PVT1: variants seen among roughly 807,000 people sequenced by gnomAD.
PVT1 encodes CXCR4/PVT1 fusion.
intron 2 of PVT1, among the ~76,000 whole-genome samples, chr8:127,848,940 G>C (rs1375199730): frequency 6.6e-6 from 1 of 152,202 alleles, no homozygotes; most frequent in Admixed American, 6.5e-5. Flanking sequence ...AGGGCATGGT[G>C]TGGACCACGC....
At chr8:128,029,906 T>A (rs1813369615) in intron 4 of PVT1, among the ~76,000 whole-genome samples, 1 of 152,228 alleles carries the variant, frequency 6.6e-6, no homozygotes, top group African/African-American at 2.4e-5. Context: ...CCCAGCAGCT[T>A]GAGACCAGCC....
At chr8:128,076,549 G>GA (rs2130143558) in intron 5 of PVT1, among the ~76,000 whole-genome samples, 1 of 152,216 alleles carries the variant, frequency 6.6e-6, no homozygotes, top group Non-Finnish European at 1.5e-5. Flanking sequence ...ATGATGATGG[G>GA]AAAAAAGGTT....
intron 2 of PVT1, among the ~76,000 whole-genome samples, chr8:127,840,762 A>G (rs774274558): frequency 1.3e-5 from 2 of 152,260 alleles, no homozygotes; most frequent in African/African-American, 4.8e-5. Context: ...GGTCCTGCCC[A>G]TGCAGGAAGC....
intron 3 of PVT1, among the ~76,000 whole-genome samples, chr8:127,904,624 G>A (rs868351538): frequency 6.6e-6 from 1 of 152,140 alleles, no homozygotes; most frequent in African/African-American, 2.4e-5. Context: ...TCCGTTAGGG[G>A]GATGGCATCT....
chr8:128,001,551 G>A (rs879461174), intron 4 of PVT1, among the ~76,000 whole-genome samples: 2 of 152,096 alleles, frequency 1.3e-5, no homozygotes, highest in African/African-American at 2.4e-5. Context: ...CACCAGATCA[G>A]GAATCTGTTT....
At chr8:128,094,779 CAG>C (rs758739778) in intron 5 of PVT1, among the ~76,000 whole-genome samples, 1 of 152,170 alleles carries the variant, frequency 6.6e-6, no homozygotes, top group Non-Finnish European at 1.5e-5. Context: ...AAAAGGATGA[CAG>C]GGAGAATCTG....
At position 128,064,008 on chromosome 8, in the gene PVT1, A is replaced by G. The variant is rs76076666; in HGVS notation, n.913-6152A>G. ...GAATTAAAAAAAAAGATTAAAGAAA[A>G]CCCCCATCCCCACGGATGAGTTAAG... On this transcript the variant is annotated intron_variant and non_coding_transcript_variant, in intron 4 of 10. Coordinates refer to ENST00000651587, the Ensembl canonical transcript of PVT1. 9.9e-3 allele frequency among the ~76,000 whole-genome samples: 1,507 copies of G among 152,106 alleles called. 30 individuals are homozygous for G. The highest frequency in any genetic ancestry group is 0.034 in the African/African-American group (1,416 of 41,466).
chr8:127,952,761 T>G (rs573096255), intron 3 of PVT1, among the ~76,000 whole-genome samples: 204 of 134,894 alleles, frequency 1.5e-3, no homozygotes, highest in Non-Finnish European at 2.5e-3. Context: ...GCACCTAGGT[T>G]GTGCCTGCAT....
intron 4 of PVT1, among the ~76,000 whole-genome samples, chr8:127,998,856 C>T (rs201911250): frequency 3.1e-5 from 4 of 128,320 alleles, no homozygotes; most frequent in Non-Finnish European, 4.7e-5. Context: ...TCCCTCCCTC[C>T]CTCTCTCTCT....
intron 3 of PVT1, among the ~76,000 whole-genome samples, chr8:127,962,801 T>C (rs1816660578): frequency 6.6e-6 from 1 of 152,076 alleles, no homozygotes; most frequent in South Asian, 2.1e-4. Context: ...TTCACCGTGT[T>C]GGCCAGGCTG....
intron 2 of PVT1, among the ~76,000 whole-genome samples, chr8:127,821,401 A>C (rs555267436): frequency 2.2e-4 from 33 of 152,364 alleles, no homozygotes; most frequent in Non-Finnish European, 3.5e-4. Flanking sequence ...ACAACTTTTG[A>C]AATATTGATT....
intron 6 of PVT1, among the ~76,000 whole-genome samples, chr8:128,098,216 T>C (rs1194798736): frequency 6.6e-6 from 1 of 152,124 alleles, no homozygotes; most frequent in Non-Finnish European, 1.5e-5. Flanking sequence ...GGCCCAGGGC[T>C]CTGGCTGACC....
intron 3 of PVT1, chr8:127,947,724 A>T: frequency 2.2e-6 from 1 of 456,528 alleles, no homozygotes; most frequent in South Asian, 1.5e-5. Flanking sequence ...TGGGTCTGTG[A>T]ATGGAAGACT....
chr8:128,015,342 G>A (rs368613244), intron 4 of PVT1, among the ~76,000 whole-genome samples: 1 of 151,878 alleles, frequency 6.6e-6, no homozygotes, highest in African/African-American at 2.4e-5. Flanking sequence ...TGCCCATCTC[G>A]GCCTCCCAAA....
intron 3 of PVT1, among the ~76,000 whole-genome samples, chr8:127,928,438 A>G (rs1467285211): frequency 6.6e-6 from 1 of 152,118 alleles, no homozygotes; most frequent in Non-Finnish European, 1.5e-5. Context: ...CCCTATACCT[A>G]TCAGGATGGT....
intron 2 of PVT1, among the ~76,000 whole-genome samples, chr8:127,845,401 C>A (rs1815020483): frequency 6.6e-6 from 1 of 152,050 alleles, no homozygotes; most frequent in Non-Finnish European, 1.5e-5. Context: ...GCCCAAGATA[C>A]AGGAATGGCT....
At position 127,795,495 on chromosome 8, in the gene PVT1, A is replaced by T. The variant is rs558665669; in HGVS notation, n.195-399A>T. On this transcript the variant is annotated intron_variant and non_coding_transcript_variant, in intron 1 of 10. Coordinates refer to ENST00000651587, the Ensembl canonical transcript of PVT1. ...AGGCCCTTCTAGAACATTAGAGAGG[A>T]GAAGAAATCACGTGCAAGGATTTAG... Among the ~76,000 whole-genome samples the T allele has an allele frequency of 3.3e-5, 5 of 152,230 alleles. No individual in the cohort carries two copies. In the South Asian group the frequency reaches 8.3e-4, roughly 25 times the overall value.
At chr8:127,937,155 A>G (rs57934404) in intron 3 of PVT1, among the ~76,000 whole-genome samples, 3,554 of 152,338 alleles carry the variant, frequency 0.023, 135 homozygotes, top group African/African-American at 0.081. Flanking sequence ...TACCTCTACA[A>G]GTAAACTGCA....
chr8:127,966,394 A>C (rs1816703095), intron 3 of PVT1, among the ~76,000 whole-genome samples: 1 of 152,056 alleles, frequency 6.6e-6, no homozygotes, highest in Non-Finnish European at 1.5e-5. Context: ...TCTTAGAAAA[A>C]ACCCCACACT....
Sources: allele counts gnomAD v4.1 joint callset (sites outside exome capture counted in the v4.1 genomes callset), GRCh38; gene constraint gnomAD v4.1.1; transcripts MANE v1.5; gene names NCBI Gene and HGNC (gene_info 2026-07-23, HGNC 2026-07-21).